Variants in LHFPL6 observed in about 807,000 individuals in gnomAD.
LHFPL6 encodes LHFPL tetraspan subfamily member 6 protein.
Under a neutral mutation model 20.6 loss-of-function variants are expected in LHFPL6, and 9 were observed. The ratio of observed to expected loss-of-function variants is 0.44; its 90% CI spans 0.26 to 0.76. The LOEUF is 0.76. Ranked by LOEUF, LHFPL6 falls within the 30% of genes least tolerant of loss-of-function variation. The pLI is 0.20. For synonymous variants in LHFPL6, 105 were observed against 98.7 expected (o/e 1.06, Z -0.38); for missense variants, 218 against 253.5 (o/e 0.86, Z 0.95).
In LHFPL6 at chr13:39,368,141, C is replaced by T. The variant is rs140293779; in HGVS notation, c.484+10287G>A. Among the ~76,000 whole-genome samples, 915 of 152,032 alleles carry T rather than the reference C, an allele frequency of 6.0e-3. 10 individuals are homozygous for T. The highest frequency in any genetic ancestry group is 0.021 in the African/African-American group (875 of 41,468). On this transcript the variant is annotated intron_variant, in intron 3 of 3. Coordinates refer to ENST00000379589, the MANE Select transcript of LHFPL6 (RefSeq NM_005780.3). ...GGCCAGGAGTTCGAGACCAGCCTGG[C>T]CATCATGGTGAAACCCTGTCTCTAC... is the stretch of plus-strand genomic sequence containing the variant.
chr13:39,549,316 A>G (rs1051670776), intron 2 of LHFPL6, among the ~76,000 whole-genome samples: 2 of 152,160 alleles, frequency 1.3e-5, no homozygotes, highest in African/African-American at 4.8e-5. Flanking sequence ...CAAAACAGAC[A>G]AAAAACAACC....
At chr13:39,589,169 C>T (rs1215293936) in intron 2 of LHFPL6, among the ~76,000 whole-genome samples, 1 of 152,054 alleles carries the variant, frequency 6.6e-6, no homozygotes, top group African/African-American at 2.4e-5. Flanking sequence ...TGCAGTGGCG[C>T]CACCTCGGTT....
intron 2 of LHFPL6, among the ~76,000 whole-genome samples, chr13:39,416,692 G>T (rs1234394171): frequency 6.6e-6 from 1 of 152,190 alleles, no homozygotes; most frequent in Non-Finnish European, 1.5e-5. Context: ...TTTACAGTTT[G>T]TGTGAACATA....
At chr13:39,552,556 C>T (rs1871171243) in intron 2 of LHFPL6, among the ~76,000 whole-genome samples, 1 of 152,176 alleles carries the variant, frequency 6.6e-6, no homozygotes, top group South Asian at 2.1e-4. Context: ...TCATAAGGGA[C>T]ACATTCAAGA....
intron 2 of LHFPL6, among the ~76,000 whole-genome samples, chr13:39,501,921 G>A (rs1026293164): frequency 1.3e-5 from 2 of 152,198 alleles, no homozygotes; most frequent in Admixed American, 1.3e-4. Flanking sequence ...AAGGGGACCT[G>A]GGCTCACAGA....
intron 2 of LHFPL6, among the ~76,000 whole-genome samples, chr13:39,520,257 G>A (rs956171649): frequency 3.3e-5 from 5 of 152,130 alleles, no homozygotes; most frequent in South Asian, 4.1e-4. Context: ...AAAACAGAAC[G>A]GGACCCAGCC....
intron 2 of LHFPL6, among the ~76,000 whole-genome samples, chr13:39,544,730 T>C (rs938345812): frequency 6.6e-6 from 1 of 152,072 alleles, no homozygotes; most frequent in Admixed American, 6.5e-5. Context: ...AAAGTAGACA[T>C]ACTAAAATAG....
chr13:39,555,920 T>C (rs1372535871), intron 2 of LHFPL6, among the ~76,000 whole-genome samples: 1 of 152,144 alleles, frequency 6.6e-6, no homozygotes, highest in African/African-American at 2.4e-5. Flanking sequence ...CTTAGTACCA[T>C]CCCCTTGGTG....
intron 2 of LHFPL6, among the ~76,000 whole-genome samples, chr13:39,539,122 A>G (rs1870716365): frequency 6.6e-6 from 1 of 152,210 alleles, no homozygotes; most frequent in East Asian, 1.9e-4. Context: ...GGCCCTTTCA[A>G]TTAAAAAATA....
intron 2 of LHFPL6, among the ~76,000 whole-genome samples, chr13:39,491,961 T>C (rs1023584714): frequency 7.2e-5 from 11 of 152,234 alleles, no homozygotes; most frequent in Admixed American, 2.0e-4. Flanking sequence ...GAAATTTACA[T>C]TACTTTTGAT....
intron 2 of LHFPL6, among the ~76,000 whole-genome samples, chr13:39,594,468 C>T (rs530864034): frequency 6.6e-6 from 1 of 152,184 alleles, no homozygotes; most frequent in Non-Finnish European, 1.5e-5. Flanking sequence ...CAGGAAACAA[C>T]AGGTGCTGGA....
At chr13:39,596,041 T>C (rs1251438251) in intron 2 of LHFPL6, among the ~76,000 whole-genome samples, 2 of 152,210 alleles carry the variant, frequency 1.3e-5, no homozygotes, top group Admixed American at 1.3e-4. Context: ...TATTAAGGTC[T>C]TATTTTGAAT....
chr13:39,430,804 A>C (rs748709807), intron 2 of LHFPL6, among the ~76,000 whole-genome samples: 1 of 152,216 alleles, frequency 6.6e-6, no homozygotes, highest in Non-Finnish European at 1.5e-5. Context: ...AAAATGGACC[A>C]ATCAGCACTC....
intron 2 of LHFPL6, among the ~76,000 whole-genome samples, chr13:39,594,481 G>C (rs1872710690): frequency 6.6e-6 from 1 of 152,222 alleles, no homozygotes; most frequent in Non-Finnish European, 1.5e-5. Flanking sequence ...GTGCTGGAGA[G>C]GATGTGGAGA....
chr13:39,599,969 C>A (rs959469031), intron 2 of LHFPL6, among the ~76,000 whole-genome samples: 1 of 152,182 alleles, frequency 6.6e-6, no homozygotes, highest in Non-Finnish European at 1.5e-5. Flanking sequence ...TGGAGGTTGT[C>A]ATATTTCACC....
At chr13:39,368,832 T>G (rs1359192) in intron 3 of LHFPL6, among the ~76,000 whole-genome samples, 126,527 of 151,610 alleles carry the variant, frequency 0.83, 53,169 homozygotes, top group Middle Eastern at 0.93. Context: ...TGATTTCTTA[T>G]TAAAATGGCA....
intron 2 of LHFPL6, among the ~76,000 whole-genome samples, chr13:39,390,747 C>T (rs1870687332): frequency 6.6e-6 from 1 of 152,200 alleles, no homozygotes; most frequent in African/African-American, 2.4e-5. Flanking sequence ...GTAATCCCAG[C>T]ACTTTGGGAG....
At chr13:39,542,733 T>A (rs187581547) in intron 2 of LHFPL6, among the ~76,000 whole-genome samples, 155 of 152,364 alleles carry the variant, frequency 1.0e-3, no homozygotes, top group Non-Finnish European at 1.8e-3. Context: ...CAGTTCCTTG[T>A]CCTCTGGCAC....
chr13:39,592,690 T>C (rs1295207675), intron 2 of LHFPL6, among the ~76,000 whole-genome samples: 1 of 152,138 alleles, frequency 6.6e-6, no homozygotes, highest in Non-Finnish European at 1.5e-5. Flanking sequence ...TTTAGACCAA[T>C]ATCCCTGATG....
Sources: gnomAD v4.1 joint callset for allele counts (sites outside exome capture counted in the v4.1 genomes callset) on GRCh38, gnomAD v4.1.1 for gene constraint, MANE v1.5 for transcripts, NCBI Gene and HGNC (gene_info 2026-07-23, HGNC 2026-07-21) for gene names.